The following FAR2 variants were observed in gnomAD, a reference collection of about 807,000 sequenced individuals.
The protein encoded by FAR2 is fatty acyl-CoA reductase 2.
In FAR2, 19 loss-of-function variants were observed where a neutral mutation model predicts 56.0. The ratio of observed to expected loss-of-function variants is 0.34; its 90% confidence interval spans 0.24 to 0.50. The LOEUF (loss-of-function observed/expected upper bound fraction) is 0.50. Among genes scored for constraint, FAR2 ranks in the 20% least tolerant of loss-of-function variants. FAR2 has a pLI of 0.98. For synonymous variants in FAR2, 219 were observed against 218.8 expected, an observed-to-expected ratio of 1.00 and a Z score of -0.01; for missense variants, 508 against 642.2, an observed-to-expected ratio of 0.79 and a Z score of 2.26.
chr12:29,324,814 A>G (rs1469567066), intron 10 of FAR2, among the ~76,000 whole-genome samples: 2 of 152,236 alleles, frequency 1.3e-5, no homozygotes, highest in Non-Finnish European at 2.9e-5. Flanking sequence ...TGTAAGGATC[A>G]TCAAGGCTAG....
intron 3 of FAR2, among the ~76,000 whole-genome samples, chr12:29,295,969 C>T (rs1949064081): frequency 6.6e-6 from 1 of 150,960 alleles, no homozygotes; most frequent in African/African-American, 2.4e-5. Flanking sequence ...GGGGTTTCAC[C>T]TTGTTAGCCA....
In FAR2 at chr12:29,311,964, C is replaced by T. The variant is rs749070805; in HGVS notation, c.955+14C>T. The T allele has an allele frequency of 2.9e-5, 46 of 1,577,212 alleles. No individual in the cohort carries two copies. Among genetic ancestry groups the T allele is most frequent in the African/African-American group, 1.4e-5 (1 of 73,862 alleles). ...GGCACAAAATGGGTAAGTACTTTAG[C>T]TATGTAACTCTATAATTACTAGTGT... On this transcript the variant is annotated intron_variant, in intron 8 of 11. Transcript: ENST00000536681.
intron 2 of FAR2, among the ~76,000 whole-genome samples, chr12:29,285,715 T>C (rs1948863779): frequency 6.6e-6 from 1 of 152,084 alleles, no homozygotes; most frequent in Admixed American, 6.6e-5. Flanking sequence ...GGTGAGGAGA[T>C]CGAGACCATT....
intron 3 of FAR2, 56 bp downstream of exon 3, chr12:29,293,531 T>G: frequency 1.6e-6 from 2 of 1,280,510 alleles, no homozygotes; most frequent in Non-Finnish European, 2.0e-6. Context: ...TGTAAATTTC[T>G]TCATAGTTTC....
At chr12:29,189,600 A>G (rs1052420381) in intron 1 of FAR2, among the ~76,000 whole-genome samples, 1 of 152,142 alleles carries the variant, frequency 6.6e-6, no homozygotes, top group Non-Finnish European at 1.5e-5. Flanking sequence ...CAGTTAACAT[A>G]GCTAAGAAAT....
rs184949986 is a variant in FAR2, at chr12:29,212,177, A to T, written c.-38-58235A>T. ...ATCAAGCTACTACCAATAAAATTAT[A>T]TGAATCTAATCCTGAGACAACTTAA... is the stretch of plus-strand genomic sequence containing the variant. On this transcript the variant is annotated intron_variant, in intron 1 of 11. Coordinates refer to ENST00000536681, the MANE Select transcript of FAR2 (RefSeq NM_001271783.2). 7.8e-4 allele frequency among the ~76,000 whole-genome samples: 119 copies of T among 152,288 alleles called. 1 individual carries two copies. The highest frequency in any genetic ancestry group is 2.7e-3 in the African/African-American group (112 of 41,560).
intron 1 of FAR2, among the ~76,000 whole-genome samples, chr12:29,152,892 CAACAGAGATGAACAAACAAGACTTTTGG>C (rs1450641663): frequency 1.3e-5 from 2 of 152,188 alleles, no homozygotes; most frequent in Non-Finnish European, 2.9e-5. Context: ...TAAAGTTCTG[CAACAGAGATGAACAAACAAGACTTTTGG>C]GTGCCCAGGG....
At chr12:29,220,547 G>C (rs1001108493) in intron 1 of FAR2, among the ~76,000 whole-genome samples, 1 of 152,022 alleles carries the variant, frequency 6.6e-6, no homozygotes, top group African/African-American at 2.4e-5. Flanking sequence ...AAATATGGTG[G>C]TTACCTATTT....
intron 1 of FAR2, among the ~76,000 whole-genome samples, chr12:29,245,471 G>T (rs1565485983): frequency 6.6e-6 from 1 of 152,088 alleles, no homozygotes; most frequent in Non-Finnish European, 1.5e-5. Flanking sequence ...AATCAGAATG[G>T]GGTTGGGCTT....
intron 2 of FAR2, among the ~76,000 whole-genome samples, chr12:29,288,501 T>C (rs1948909591): frequency 6.6e-6 from 1 of 152,218 alleles, no homozygotes; most frequent in South Asian, 2.1e-4. Context: ...TTTCTTACTT[T>C]AATCTCTCAC....
In FAR2 at chr12:29,311,913, A is replaced by C; in HGVS notation, c.918A>C (p.Thr306=). 6.2e-7 allele frequency: 1 copy of C among 1,611,568 alleles called. No homozygotes were observed. The highest frequency in any genetic ancestry group is 8.5e-7 in the Non-Finnish European group (1 of 1,178,686). The change falls in exon 8 of 12, where the codon ACA becomes ACC. Residue 306 remains threonine, a synonymous_variant. Transcript: ENST00000536681. The part of the protein sequence containing the change: ...RPKSTLVYHI[T]SGNMNPCNWH... ...AGTCAACATTAGTCTACCACATTACATCTGGTAACATGAATCCCTGCAATT... is the reference window on the plus strand; with the variant it reads ...AGTCAACATTAGTCTACCACATTACCTCTGGTAACATGAATCCCTGCAATT...
At chr12:29,328,909 A>G (rs557916241) in intron 10 of FAR2, among the ~76,000 whole-genome samples, 1 of 150,994 alleles carries the variant, frequency 6.6e-6, no homozygotes, top group East Asian at 1.9e-4. Context: ...TAAAAAAAAG[A>G]AAAAAAAACA....
chr12:29,210,444 G>A (rs1947531545), intron 1 of FAR2, among the ~76,000 whole-genome samples: 1 of 152,146 alleles, frequency 6.6e-6, no homozygotes, highest in Non-Finnish European at 1.5e-5. Context: ...ATGTCGTCAG[G>A]AAGAGCTATG....
At chr12:29,308,155 A>T (rs1949283647) in intron 5 of FAR2, 1 of 196,088 alleles carries the variant, frequency 5.1e-6, no homozygotes, top group Non-Finnish European at 1.0e-5. Context: ...GCATACCAGA[A>T]TGTCCTTGAT....
intron 1 of FAR2, among the ~76,000 whole-genome samples, chr12:29,254,302 A>C (rs1203593932): frequency 1.3e-5 from 2 of 152,078 alleles, no homozygotes; most frequent in Non-Finnish European, 2.9e-5. Flanking sequence ...GCAAAAAAAG[A>C]AAGAAATCTA....
At chr12:29,310,476 A>G (rs1285349915) in intron 6 of FAR2, among the ~76,000 whole-genome samples, 1 of 152,196 alleles carries the variant, frequency 6.6e-6, no homozygotes, top group East Asian at 1.9e-4. Context: ...ATAAAAAGTA[A>G]ATAATAAGGC....
chr12:29,323,862 A>G (rs1361732215), intron 10 of FAR2, among the ~76,000 whole-genome samples: 1 of 152,254 alleles, frequency 6.6e-6, no homozygotes, highest in African/African-American at 2.4e-5. Flanking sequence ...AAAGGAACGC[A>G]GCTCCTCACC....
chr12:29,305,741 A>T (rs1235547123), intron 4 of FAR2, among the ~76,000 whole-genome samples: 2 of 152,216 alleles, frequency 1.3e-5, no homozygotes, highest in South Asian at 2.1e-4. Context: ...AAACAGTGGA[A>T]TACAGGTGTA....
At chr12:29,163,447 G>A (rs949041275) in intron 1 of FAR2, among the ~76,000 whole-genome samples, 1 of 152,218 alleles carries the variant, frequency 6.6e-6, no homozygotes, top group Admixed American at 6.5e-5. Flanking sequence ...TGTGACAACT[G>A]TAGTAGACAG....
Sources: gnomAD v4.1 joint callset for allele counts (sites outside exome capture counted in the v4.1 genomes callset) on GRCh38, gnomAD v4.1.1 for gene constraint, MANE v1.5 for transcripts, NCBI Gene and HGNC (gene_info 2026-07-23, HGNC 2026-07-21) for gene names.